Variants in KDM4C observed in about 807,000 individuals in gnomAD.
KDM4C encodes the protein lysine-specific demethylase 4C.
In KDM4C, 81 loss-of-function variants were observed where a neutral mutation model predicts 129.3. The ratio of observed to expected loss-of-function variants is 0.63; its 90% confidence interval spans 0.52 to 0.75. KDM4C has a LOEUF of 0.75. Among genes scored for constraint, KDM4C ranks in the 30% least tolerant of loss-of-function variants. The pLI is 0.00. For missense variants in KDM4C, 1,457 were observed against 1,304.0 expected, an observed-to-expected ratio of 1.12 and a Z score of -1.81; for synonymous variants, 573 against 456.1, an observed-to-expected ratio of 1.26 and a Z score of -3.26.
intron 1 of KDM4C, among the ~76,000 whole-genome samples, chr9:6,743,271 A>G (rs1817763550): frequency 6.6e-6 from 1 of 152,184 alleles, no homozygotes; most frequent in Admixed American, 6.5e-5. Context: ...CCCTTCAACG[A>G]CATCACTGAG....
chr9:7,090,080 C>T (rs544583686), intron 17 of KDM4C, among the ~76,000 whole-genome samples: 184 of 152,344 alleles, frequency 1.2e-3, no homozygotes, highest in African/African-American at 4.2e-3. Context: ...CCAGCCCTTC[C>T]AGCTCCCTCA....
intron 1 of KDM4C, among the ~76,000 whole-genome samples, chr9:6,792,093 C>T (rs761041971): frequency 2.0e-5 from 3 of 152,112 alleles, no homozygotes; most frequent in Non-Finnish European, 4.4e-5. Flanking sequence ...TAAATCCCAG[C>T]ACTTTGGGAG....
intron 17 of KDM4C, among the ~76,000 whole-genome samples, chr9:7,083,494 C>T (rs149931957): frequency 4.6e-5 from 7 of 152,180 alleles, no homozygotes; most frequent in African/African-American, 1.4e-4. Flanking sequence ...TACTACACAT[C>T]TAGGCTATAT....
At chr9:6,905,715 A>T (rs1477354272) in intron 8 of KDM4C, among the ~76,000 whole-genome samples, 1 of 152,126 alleles carries the variant, frequency 6.6e-6, no homozygotes, top group African/African-American at 2.4e-5. Flanking sequence ...TGATCAATTT[A>T]TGTTGCTTTT....
At chr9:7,025,498 C>CT (rs1326238116) in intron 15 of KDM4C, among the ~76,000 whole-genome samples, 1 of 152,008 alleles carries the variant, frequency 6.6e-6, no homozygotes, top group South Asian at 2.1e-4. Flanking sequence ...TAATTTCTTC[C>CT]TTTTTATTTT....
intron 17 of KDM4C, among the ~76,000 whole-genome samples, chr9:7,060,656 G>A (rs936779609): frequency 1.3e-5 from 2 of 151,588 alleles, no homozygotes; most frequent in Non-Finnish European, 2.9e-5. Flanking sequence ...TAATTTTTGT[G>A]TTTTTAGTAG....
At chr9:6,967,816 G>A (rs989594522) in intron 8 of KDM4C, among the ~76,000 whole-genome samples, 1 of 152,156 alleles carries the variant, frequency 6.6e-6, no homozygotes, top group Non-Finnish European at 1.5e-5. Flanking sequence ...TCATTATATT[G>A]TGAGTTTTTA....
chr9:7,129,328 G>C (rs1250587857), intron 19 of KDM4C, among the ~76,000 whole-genome samples: 1 of 152,082 alleles, frequency 6.6e-6, no homozygotes, highest in Non-Finnish European at 1.5e-5. Context: ...TCTCTATGCT[G>C]GTAAGAATGG....
At chr9:6,912,949 T>A (rs1017899009) in intron 8 of KDM4C, among the ~76,000 whole-genome samples, 3 of 152,236 alleles carry the variant, frequency 2.0e-5, no homozygotes, top group African/African-American at 7.2e-5. Context: ...TATGGTACCT[T>A]TTCTATATTG....
At chr9:6,769,607 A>G (rs895047499) in intron 1 of KDM4C, among the ~76,000 whole-genome samples, 1 of 150,702 alleles carries the variant, frequency 6.6e-6, no homozygotes, top group African/African-American at 2.4e-5. Flanking sequence ...TAAAGAACCA[A>G]GCAAATGCAA....
chr9:6,992,085 C>G (rs1205294935), intron 12 of KDM4C, among the ~76,000 whole-genome samples: 3 of 151,770 alleles, frequency 2.0e-5, no homozygotes, highest in Non-Finnish European at 4.4e-5. Flanking sequence ...AGACATATGA[C>G]AATTCTGTGT....
intron 1 of KDM4C, among the ~76,000 whole-genome samples, chr9:6,728,877 C>G (rs1588034239): frequency 6.6e-6 from 1 of 150,912 alleles, no homozygotes; most frequent in East Asian, 2.0e-4. Context: ...AAAAAGTATT[C>G]TCATTAATGT....
intron 1 of KDM4C, among the ~76,000 whole-genome samples, chr9:6,785,359 T>A (rs11795183): frequency 0.34 from 51,108 of 149,488 alleles, 8,777 homozygotes; most frequent in African/African-American, 0.38. Flanking sequence ...TTTTTTGAGA[T>A]GGAGTCTCAC....
chr9:6,877,698 G>A (rs1449338877), intron 5 of KDM4C, among the ~76,000 whole-genome samples: 5 of 152,164 alleles, frequency 3.3e-5, no homozygotes, highest in Non-Finnish European at 7.4e-5. Context: ...GTGGGGTAGT[G>A]CTCTGATTTT....
In KDM4C at chr9:6,758,291, G is replaced by T. The variant is rs1004096504; in HGVS notation, c.-18+88G>T. 5.1e-6 allele frequency: 4 copies of T among 786,752 alleles called. No homozygotes were observed. In the African/African-American group the frequency reaches 7.5e-5, roughly 15 times the overall value. 48.7% of individuals were successfully genotyped at this position (786,752 alleles called of 1,614,324 possible). On this transcript the variant is annotated intron_variant, in intron 1 of 21. Transcript: ENST00000381309. This position sits in a 1 kb window ranked among gnomAD's most constrained non-coding sequence, Gnocchi z 4.6. The stretch of plus-strand genomic sequence containing the variant: ...CACTGCCCCCCTCCGCGTGGGGCAC[G>T]GGGGTGCGGGCGTCCGGGCGAGCGG...
At chr9:6,822,085 G>A (rs1478656450) in intron 4 of KDM4C, among the ~76,000 whole-genome samples, 1 of 152,210 alleles carries the variant, frequency 6.6e-6, no homozygotes, top group Non-Finnish European at 1.5e-5. Flanking sequence ...GACTCTCAAA[G>A]GCATGGGGCG....
intron 12 of KDM4C, among the ~76,000 whole-genome samples, chr9:7,004,916 G>A (rs1821381244): frequency 3.3e-5 from 5 of 152,180 alleles, no homozygotes; most frequent in African/African-American, 4.8e-5. Context: ...AATGACTGAT[G>A]AATAAAGTAC....
chr9:6,836,728 A>C (rs1471704638), intron 4 of KDM4C, among the ~76,000 whole-genome samples: 1 of 152,122 alleles, frequency 6.6e-6, no homozygotes, highest in Non-Finnish European at 1.5e-5. Context: ...GATATTTTTC[A>C]CCTAACAGTA....
intron 1 of KDM4C, among the ~76,000 whole-genome samples, chr9:6,784,123 A>G (rs1193990292): frequency 6.6e-6 from 1 of 152,158 alleles, no homozygotes; most frequent in Non-Finnish European, 1.5e-5. Context: ...AATATGCTAA[A>G]TTCTTACATT....
Sources: allele counts gnomAD v4.1 joint callset (sites outside exome capture counted in the v4.1 genomes callset), GRCh38; gene constraint gnomAD v4.1.1; non-coding constraint Gnocchi (gnomAD v3.1); transcripts MANE v1.5; gene names NCBI Gene and HGNC (gene_info 2026-07-23, HGNC 2026-07-21).